The following NSF variants were observed in gnomAD, a reference collection of about 807,000 sequenced individuals.
The protein encoded by NSF is N-ethylmaleimide sensitive factor, vesicle fusing ATPase, also known as vesicle-fusing ATPase.
A neutral mutation model predicts 50.3 loss-of-function variants in NSF; 14 were observed. The ratio of observed to expected loss-of-function variants is 0.28; its 90% CI spans 0.18 to 0.44. NSF has a LOEUF of 0.44. Ranked by LOEUF, NSF falls within the 20% of genes least tolerant of loss-of-function variation. The pLI, the probability that NSF is intolerant of heterozygous loss-of-function variation, is 1.00. For missense variants in NSF, 218 were observed against 504.3 expected, an observed-to-expected ratio of 0.43 and a Z score of 5.44; for synonymous variants, 109 against 175.7, an observed-to-expected ratio of 0.62 and a Z score of 3.00.
intron 13 of NSF, among the ~76,000 whole-genome samples, chr17:46,710,528 C>T (rs1462322711): frequency 2.0e-5 from 3 of 152,292 alleles, no homozygotes; most frequent in East Asian, 1.9e-4. Flanking sequence ...ATTACCATTT[C>T]GTATTCTCAT....
chr17:46,755,594 A>C, intron 20 of NSF: 1 of 693,818 alleles, frequency 1.4e-6, no homozygotes, highest in South Asian at 1.9e-5. Context: ...GGAAAAACTT[A>C]ATGGTACATA....
In NSF at chr17:46,704,617, A is replaced by G. The variant is rs2058640659; in HGVS notation, c.1375-142A>G. On this transcript the variant is annotated intron_variant, in intron 12 of 20. Transcript: ENST00000398238. ...TCTGGATATTAATCCCTTATCACATATATGGTTTGCAAATATTTCAGATTT... is the reference window on the plus strand; with the variant it reads ...TCTGGATATTAATCCCTTATCACATGTATGGTTTGCAAATATTTCAGATTT... The G allele has an allele frequency of 7.3e-6, 6 of 817,118 alleles. No individual in the cohort carries two copies. In the South Asian group the frequency reaches 1.2e-4, roughly 16 times the overall value. 50.6% of individuals were successfully genotyped at this position (817,118 alleles called of 1,614,324 possible).
At chr17:46,610,063 C>G (rs2057998888) in intron 1 of NSF, among the ~76,000 whole-genome samples, 1 of 130,844 alleles carries the variant, frequency 7.6e-6, no homozygotes, top group South Asian at 2.3e-4. Context: ...TTCTTTCTTT[C>G]TTTCCTTTCT....
At chr17:46,737,572 C>CGTGTGT (rs10564190) in intron 17 of NSF, among the ~76,000 whole-genome samples, 272 of 147,272 alleles carry the variant, frequency 1.8e-3, no homozygotes, top group Non-Finnish European at 2.8e-3. Context: ...GGTGTGTGTG[C>CGTGTGT]GTGTGTGTGT....
chr17:46,602,592 G>T (rs2057923959), intron 1 of NSF: 1 of 50,316 alleles, frequency 2.0e-5, no homozygotes, highest in Non-Finnish European at 3.6e-5. Flanking sequence ...AAACTTTAAG[G>T]GCTGCATTGG....
intron 17 of NSF, among the ~76,000 whole-genome samples, chr17:46,736,721 G>T (rs1213076019): frequency 6.6e-6 from 1 of 152,132 alleles, no homozygotes; most frequent in Non-Finnish European, 1.5e-5. Context: ...AACCACTAGG[G>T]TTAAATGAGA....
At chr17:46,752,393 C>T (rs2059189867) in intron 19 of NSF, among the ~76,000 whole-genome samples, 1 of 152,146 alleles carries the variant, frequency 6.6e-6, no homozygotes, top group Non-Finnish European at 1.5e-5. Flanking sequence ...TTGGCTCTTA[C>T]TATTGAGTCC....
At chr17:46,597,788 CTTTTTTTTTTTTTTT>C (rs1162187499) in intron 1 of NSF, among the ~76,000 whole-genome samples, 9 of 44,168 alleles carry the variant, frequency 2.0e-4, no homozygotes, top group African/African-American at 5.6e-4. Flanking sequence ...TTGCAATACT[CTTTTTTTTTTTTTTT>C]TTTTTTTTTT....
intron 1 of NSF, among the ~76,000 whole-genome samples, chr17:46,605,305 G>A (rs1227993145): frequency 0.012 from 722 of 62,236 alleles, no homozygotes; most frequent in African/African-American, 0.048. Context: ...AAAATTAGCC[G>A]GGCGTGGTGG....
intron 1 of NSF, among the ~76,000 whole-genome samples, chr17:46,622,553 C>T (rs1190218338): frequency 5.4e-5 from 8 of 147,910 alleles, no homozygotes; most frequent in South Asian, 2.1e-4. Flanking sequence ...GAGGCCGAGG[C>T]GGGCGGATTG....
intron 17 of NSF, among the ~76,000 whole-genome samples, chr17:46,737,679 C>T (rs555676570): frequency 6.6e-6 from 1 of 151,720 alleles, no homozygotes; most frequent in African/African-American, 2.4e-5. Flanking sequence ...AAACATGATG[C>T]ATAGAGTTAG....
chr17:46,748,321 G>A (rs188895553), intron 17 of NSF, among the ~76,000 whole-genome samples: 31 of 152,200 alleles, frequency 2.0e-4, no homozygotes, highest in Admixed American at 1.3e-3. Flanking sequence ...ATGTTGGTCA[G>A]GCTGGTCTCA....
chr17:46,707,326 T>G (rs1378530979), intron 13 of NSF, among the ~76,000 whole-genome samples: 2 of 152,236 alleles, frequency 1.3e-5, no homozygotes, highest in Non-Finnish European at 2.9e-5. Flanking sequence ...TACTGCTTAT[T>G]TGATTGATAC....
intron 9 of NSF, among the ~76,000 whole-genome samples, chr17:46,685,457 G>T (rs2058488350): frequency 6.6e-6 from 1 of 151,930 alleles, no homozygotes; most frequent in Non-Finnish European, 1.5e-5. Flanking sequence ...ATTTTGGACA[G>T]TCCACACTGA....
chr17:46,714,896 T>C (rs764813906), intron 15 of NSF, among the ~76,000 whole-genome samples: 10 of 152,254 alleles, frequency 6.6e-5, no homozygotes, highest in South Asian at 4.1e-4. Flanking sequence ...TGCTCCCTAG[T>C]AAAGACAGCT....
chr17:46,754,350 GA>G (rs931493613), intron 19 of NSF, among the ~76,000 whole-genome samples: 6 of 150,896 alleles, frequency 4.0e-5, no homozygotes, highest in East Asian at 1.9e-4. Flanking sequence ...AGAAAGAAAA[GA>G]AAAAAAAATC....
At chr17:46,728,089 G>A (rs946500522) in intron 16 of NSF, among the ~76,000 whole-genome samples, 1 of 152,096 alleles carries the variant, frequency 6.6e-6, no homozygotes, top group Non-Finnish European at 1.5e-5. Context: ...GGGGGCCTGC[G>A]AGTAGCTCTA....
intron 1 of NSF, among the ~76,000 whole-genome samples, chr17:46,622,257 A>T (rs1245582059): frequency 6.9e-6 from 1 of 144,400 alleles, no homozygotes; most frequent in Non-Finnish European, 1.5e-5. Context: ...GGAGATCGAG[A>T]CCAGCCTGGC....
intron 9 of NSF, among the ~76,000 whole-genome samples, chr17:46,676,113 T>A (rs889738172): frequency 4.4e-5 from 6 of 134,922 alleles, no homozygotes; most frequent in Admixed American, 3.9e-4. Context: ...AAAGGGGTTG[T>A]GTCTATGAAA....
Sources: allele counts gnomAD v4.1 joint callset (sites outside exome capture counted in the v4.1 genomes callset), GRCh38; gene constraint gnomAD v4.1.1; transcripts MANE v1.5; gene names NCBI Gene and HGNC (gene_info 2026-07-23, HGNC 2026-07-21).